The following SYNE1 variants were observed in gnomAD, a reference collection of about 807,000 sequenced individuals.
SYNE1 encodes spectrin repeat containing nuclear envelope protein 1, also known as nesprin-1.
In SYNE1, 616 loss-of-function variants were observed where a neutral mutation model predicts 1,111.0. The observed-to-expected ratio is 0.55, with a 90% CI of 0.52 to 0.59. The LOEUF (loss-of-function observed/expected upper bound fraction) is 0.59, where lower values mean the gene tolerates loss of function less well. SYNE1 is among the 20% of genes least tolerant of loss of function. The pLI is 0.00. For missense variants in SYNE1, 10,006 were observed against 10,417.0 expected (o/e 0.96, Z 1.72); for synonymous variants, 3,855 against 3,825.8 (o/e 1.01, Z -0.28).
intron 7 of SYNE1, among the ~76,000 whole-genome samples, 165 bp downstream of exon 7, chr6:152,510,846 G>A (rs531255396): frequency 2.9e-4 from 44 of 152,294 alleles, no homozygotes; most frequent in African/African-American, 9.9e-4. Context: ...CAAGGGAGAA[G>A]AGGAAATTCT....
chr6:152,502,210 C>A (rs2099033645), intron 10 of SYNE1, among the ~76,000 whole-genome samples: 1 of 151,494 alleles, frequency 6.6e-6, no homozygotes. Context: ...TTGCGTCTTA[C>A]TTCCATATGT....
chr6:152,450,873 CCACA>C (rs746204495), intron 26 of SYNE1, 40 bp from the exon 27 acceptor site: 1 of 1,599,164 alleles, frequency 6.3e-7, no homozygotes, highest in South Asian at 1.1e-5. Context: ...CTGTGAGAAG[CCACA>C]CAGTACTTCT....
chr6:152,385,524 ACT>A lies in SYNE1; in HGVS notation c.8652+148_8652+149del, dbSNP rs2097513115. ...TAAAGTCTTTTGAATTCTTCTCATG[ACT>A]CTTGTTTATGTGTAGAATCAGTGAG... On this transcript the variant is annotated intron_variant, in intron 55 of 145. Coordinates refer to ENST00000367255, the MANE Select transcript of SYNE1 (RefSeq NM_182961.4). The A allele has an allele frequency of 1.7e-5, 14 of 811,292 alleles. No individual in the cohort carries two copies. The East Asian group carries it at 3.5e-4, about 20-fold the overall frequency. The allele number at this position is 811,292 out of a possible 1,614,324, so 50.3% of individuals were successfully genotyped here.
chr6:152,141,616 GGGCAT>G (rs1202643024), intron 138 of SYNE1, among the ~76,000 whole-genome samples: 1 of 152,010 alleles, frequency 6.6e-6, no homozygotes, highest in East Asian at 1.9e-4. Flanking sequence ...AAATTTAGCT[GGGCAT>G]GGTGGCATGC....
At chr6:152,240,997 G>A (rs2085503120) in intron 107 of SYNE1, among the ~76,000 whole-genome samples, 1 of 152,222 alleles carries the variant, frequency 6.6e-6, no homozygotes, top group Non-Finnish European at 1.5e-5. Context: ...TGCAATGAAA[G>A]CTGAGATTCC....
Position 152,263,558 on chromosome 6 carries a change from A to AT in SYNE1, c.18816-1371dup, listed in dbSNP as rs1022503953. ...TGGTATGCACCACCAGACTTGGCTAATTTTTTTTTTTTTAATTCTTTGTAG... is the reference window on the plus strand; with the variant it reads ...TGGTATGCACCACCAGACTTGGCTAATTTTTTTTTTTTTTAATTCTTTGTAG... On this transcript the variant is annotated intron_variant, in intron 100 of 145. Transcript: ENST00000367255. Among the ~76,000 whole-genome samples the AT allele has an allele frequency of 2.1e-3, 299 of 144,710 alleles. 4 individuals are homozygous for AT. The highest frequency in any genetic ancestry group is 0.02 in the East Asian group (97 of 4,934). The allele number at this position is 144,710 out of a possible 152,430, so 94.9% of individuals were successfully genotyped here. A position where few individuals can be genotyped will look rare whatever the true frequency, so the allele number is the denominator to read the frequency against.
intron 39 of SYNE1, among the ~76,000 whole-genome samples, chr6:152,423,174 C>A (rs527613366): frequency 6.6e-6 from 1 of 152,290 alleles, no homozygotes; most frequent in Non-Finnish European, 1.5e-5. Flanking sequence ...GCTTTGCTAG[C>A]CAAGCCTCTT....
intron 96 of SYNE1, among the ~76,000 whole-genome samples, chr6:152,282,802 G>T (rs76215078): frequency 0.013 from 1,984 of 152,138 alleles, 49 homozygotes; most frequent in African/African-American, 0.046. Flanking sequence ...GGTTGGTGCA[G>T]AAGTAATTGT....
At chr6:152,514,686 A>C (rs1408902556) in intron 6 of SYNE1, among the ~76,000 whole-genome samples, 1 of 152,116 alleles carries the variant, frequency 6.6e-6, no homozygotes, top group Non-Finnish European at 1.5e-5. Context: ...AGAGACGCCA[A>C]AGATTGATCT....
In SYNE1 at chr6:152,219,138, G is replaced by A. The variant is rs765804480; in HGVS notation, c.21909C>T (p.Leu7303=). ...LGTVKDSLFF[L]HELGEQLKQQ... ...GCTTCAGTTGCTCTCCCAGCTCATG[G>A]AGAAAAAAGAGGGAATCTTTAACTG... Residue 7303 remains leucine (L), a synonymous_variant, in exon 120 of 146, where the codon CTC becomes CTT. Transcript: ENST00000367255. The A allele has an allele frequency of 6.2e-7, 1 of 1,614,084 alleles. No individual in the cohort carries two copies. The highest frequency in any genetic ancestry group is 1.7e-5 in the Admixed American group (1 of 60,012).
At position 152,336,868 on chromosome 6, in the gene SYNE1, A is replaced by G. The variant is rs745946784; in HGVS notation, c.12501T>C (p.Ile4167=). The G allele has an allele frequency of 6.2e-7, 1 of 1,613,976 alleles. No homozygotes were observed. The highest frequency in any genetic ancestry group is 1.1e-5 in the South Asian group (1 of 91,086). ...KRRHSELELN[I]AQNMVSQVKD... The stretch of plus-strand genomic sequence containing the variant: ...TAACTTGTGAAACCATGTTCTGTGC[A>G]ATGTTCAGCTCCAGCTCAGAGTGCC... Residue 4167 remains isoleucine (I), a synonymous_variant, in exon 76 of 146, where the codon ATT becomes ATC. Transcript: ENST00000367255.
In SYNE1 at chr6:152,419,689, G is replaced by C. The variant is rs1323035866; in HGVS notation, c.5301C>G (p.His1767Gln). 6.2e-7 allele frequency: 1 copy of C among 1,614,054 alleles called. No individual in the cohort carries two copies. Among genetic ancestry groups the C allele is most frequent in the East Asian group, 2.2e-5 (1 of 44,858 alleles). The stretch of plus-strand genomic sequence containing the variant: ...AAAGCAGCAGCTCATCAAATTGCTG[G>C]TGTTCAGCAACCACAGACTGAAGAA... ...INFLQSVVAEHQQFDELLLSF... is the reference protein window; with the variant it reads ...INFLQSVVAEQQQFDELLLSF... Residue 1767 changes from histidine (H) to glutamine (Q), a missense_variant, in exon 40 of 146, where the codon CAC (histidine) becomes CAG (glutamine). Coordinates refer to ENST00000367255, the MANE Select transcript of SYNE1 (RefSeq NM_182961.4).
chr6:152,163,584 C>T lies in SYNE1; in HGVS notation c.23790+579G>A, dbSNP rs557059727. On this transcript the variant is annotated intron_variant, in intron 131 of 145. Coordinates refer to ENST00000367255, the MANE Select transcript of SYNE1 (RefSeq NM_182961.4). ...TTCTGTATACATTTTCCAGGATCAT[C>T]CCTTTTTGCTTTGTTGGGTTGTACG... Among the ~76,000 whole-genome samples the T allele has an allele frequency of 1.9e-3, 286 of 151,848 alleles. 1 individual carries two copies. Among genetic ancestry groups the T allele is most frequent in the African/African-American group, 6.4e-3 (263 of 41,400 alleles).
At chr6:152,519,065 C>A (rs990255270) in intron 6 of SYNE1, among the ~76,000 whole-genome samples, 1 of 151,720 alleles carries the variant, frequency 6.6e-6, no homozygotes, top group African/African-American at 2.4e-5. Flanking sequence ...TGCAGCACAC[C>A]AACATGGCAC....
At chr6:152,548,369 C>T (rs1248401440) in intron 3 of SYNE1, among the ~76,000 whole-genome samples, 1 of 152,194 alleles carries the variant, frequency 6.6e-6, no homozygotes, top group Non-Finnish European at 1.5e-5. Flanking sequence ...CTGGACAAAA[C>T]GAACTGGCCA....
chr6:152,301,036 T>G (rs935153067), intron 92 of SYNE1, among the ~76,000 whole-genome samples: 1 of 152,240 alleles, frequency 6.6e-6, no homozygotes, highest in African/African-American at 2.4e-5. Context: ...GATTAAATAC[T>G]TCATTATTTT....
intron 96 of SYNE1, among the ~76,000 whole-genome samples, chr6:152,283,037 T>TATCTTGTAAG (rs1364348080): frequency 6.6e-6 from 1 of 152,144 alleles, no homozygotes; most frequent in Non-Finnish European, 1.5e-5. Context: ...TACAAGATGA[T>TATCTTGTAAG]AGATACTGTA....
chr6:152,634,474 C>A (rs2099702953), intron 2 of SYNE1, among the ~76,000 whole-genome samples: 2 of 152,074 alleles, frequency 1.3e-5, no homozygotes, highest in Admixed American at 6.5e-5. Flanking sequence ...TTATTTTTTT[C>A]TCTATTCACC....
chr6:152,152,759 T>A (rs531392077), intron 133 of SYNE1, among the ~76,000 whole-genome samples: 2 of 152,348 alleles, frequency 1.3e-5, no homozygotes, highest in East Asian at 3.9e-4. Context: ...CTTTATATTT[T>A]AAAAAATTTG....
Sources: allele counts gnomAD v4.1 joint callset (sites outside exome capture counted in the v4.1 genomes callset), GRCh38; gene constraint gnomAD v4.1.1; transcripts MANE v1.5; gene names NCBI Gene and HGNC (gene_info 2026-07-23, HGNC 2026-07-21).